The following POTEE variants were observed in gnomAD, a reference collection of about 807,000 sequenced individuals.
POTEE encodes ANKRD26-like family C member 1A.
POTEE carries 21 observed loss-of-function variants against 74.2 expected under a neutral mutation model. That is an observed-to-expected ratio of 0.28 (90% CI 0.20 to 0.41). POTEE has a LOEUF of 0.41. POTEE is among the 10% of genes least tolerant of loss of function. The probability of loss-of-function intolerance (pLI) is 1.00; values close to 1 mark genes in which losing one functional copy is unlikely to be tolerated. For missense variants in POTEE, 525 were observed against 1,158.6 expected, an observed-to-expected ratio of 0.45 and a Z score of 7.94; for synonymous variants, 211 against 432.8, an observed-to-expected ratio of 0.49 and a Z score of 6.36.
At chr2:131,254,978 A>G in intron 16 of POTEE, among the ~76,000 whole-genome samples, 1 of 152,266 alleles carries the variant, frequency 6.6e-6, no homozygotes, top group Admixed American at 6.5e-5. Context: ...TATGTAATCT[A>G]GAAATGTTCA....
chr2:131,223,669 C>T lies in POTEE; in HGVS notation c.595C>T (p.Leu199Phe), dbSNP rs1573704193. The T allele has an allele frequency of 6.2e-7, 1 of 1,611,302 alleles. No homozygotes were observed. The highest frequency in any genetic ancestry group is 1.1e-5 in the South Asian group (1 of 90,972). The change falls in exon 5 of 18, where the codon CTT becomes TTT. Residue 199 changes from leucine to phenylalanine, a missense_variant. Leu to Phe is a conservative substitution (Grantham distance 22, BLOSUM62 0). Coordinates refer to ENST00000683005, the MANE Select transcript of POTEE (RefSeq NM_001083538.3). ...VKLLLDRRCQ[L>F]NVLDNKKRTA... is the part of the protein sequence containing the mutation. ...ACTCCTGCTGGACAGACGATGTCAA[C>T]TTAATGTCCTTGACAACAAAAAGAG...
At chr2:131,222,226 A>G (rs1023565006) in intron 4 of POTEE, among the ~76,000 whole-genome samples, 5 of 152,194 alleles carry the variant, frequency 3.3e-5, no homozygotes, top group African/African-American at 4.8e-5. Context: ...CTATGCAGCC[A>G]TAAAAGAAGG....
At chr2:131,259,355 ATTTCT>A (rs1329575911) in intron 16 of POTEE, among the ~76,000 whole-genome samples, 1 of 148,914 alleles carries the variant, frequency 6.7e-6, no homozygotes, top group Non-Finnish European at 1.5e-5. Context: ...TGAGAGTATG[ATTTCT>A]TTTATTTTGT....
chr2:131,232,654 T>G (rs1701000563), intron 9 of POTEE, among the ~76,000 whole-genome samples: 1 of 149,884 alleles, frequency 6.7e-6, no homozygotes, highest in South Asian at 2.1e-4. Context: ...GTAGAATGCT[T>G]TGGACTGCAA....
chr2:131,218,250 C>T (rs1208249475), intron 3 of POTEE, 60 bp from the exon 4 acceptor site: 2 of 1,411,670 alleles, frequency 1.4e-6, no homozygotes, highest in Admixed American at 2.2e-5. Context: ...GTGGGCTGGG[C>T]TGGAATCCCC....
At chr2:131,262,078 A>T (rs1701719829) in intron 17 of POTEE, among the ~76,000 whole-genome samples, 1 of 122,188 alleles carries the variant, frequency 8.2e-6, no homozygotes, top group African/African-American at 2.5e-5. Flanking sequence ...CCAAAGGAGA[A>T]GTATTTGATG....
intron 4 of POTEE, among the ~76,000 whole-genome samples, chr2:131,220,920 C>G (rs1700596444): frequency 7.2e-6 from 1 of 139,802 alleles, no homozygotes; most frequent in African/African-American, 2.6e-5. Context: ...GAGATCGCGC[C>G]ACTACATTCC....
At chr2:131,248,912 C>G (rs1172785501) in intron 13 of POTEE, among the ~76,000 whole-genome samples, 1 of 152,270 alleles carries the variant, frequency 6.6e-6, no homozygotes, top group African/African-American at 2.4e-5. Context: ...GCAAAATGTG[C>G]TTTGTGTTTT....
At position 131,218,491 on chromosome 2, in the gene POTEE, G is replaced by C; in HGVS notation, c.89G>C (p.Arg30Pro). 1.9e-6 allele frequency: 3 copies of C among 1,612,470 alleles called. No homozygotes were observed. The South Asian group carries it at 3.3e-5, about 18-fold the overall frequency. ...LRSKMGKWCC[R>P]CFPCYRESGK... ...AGCAAGATGGGCAAGTGGTGCTGCCGTTGCTTCCCCTGCTACAGGGAGAGC... is the reference window on the plus strand; with the variant it reads ...AGCAAGATGGGCAAGTGGTGCTGCCCTTGCTTCCCCTGCTACAGGGAGAGC... The change falls in exon 4 of 18, where the codon CGT becomes CCT. Residue 30 changes from arginine (R) to proline (P), a missense_variant. Coordinates refer to ENST00000683005, the MANE Select transcript of POTEE (RefSeq NM_001083538.3).
chr2:131,210,400 G>GGCTA (rs1236576920), intron 1 of POTEE, among the ~76,000 whole-genome samples: 1 of 149,892 alleles, frequency 6.7e-6, no homozygotes, highest in East Asian at 2.0e-4. Context: ...GCTGTCCGGG[G>GGCTA]GCTACACTGC....
rs551099257 is a variant in POTEE, at chr2:131,209,969, T to G, written c.-345+150T>G. Among the ~76,000 whole-genome samples, 692 of 124,046 alleles carry G rather than the reference T, an allele frequency of 5.6e-3. 2 individuals are homozygous for G. Among genetic ancestry groups the G allele is most frequent in the African/African-American group, 0.019 (633 of 32,584 alleles). 81.4% of individuals were successfully genotyped at this position (124,046 alleles called of 152,430 possible). A position where few individuals can be genotyped will look rare whatever the true frequency, so the allele number is the denominator to read the frequency against. Reference sequence around the variant, plus strand: ...ATTGCTGGCGGTGGAGGGGGGCGGTTTTGGCTGGCTGTCCGGGGCTACACT... The same window carrying G: ...ATTGCTGGCGGTGGAGGGGGGCGGTGTTGGCTGGCTGTCCGGGGCTACACT... On this transcript the variant is annotated intron_variant, in intron 1 of 17. Transcript: ENST00000683005.
At position 131,211,159 on chromosome 2, in the gene POTEE, C is replaced by G. The variant is rs534198076; in HGVS notation, c.-213C>G. Among the ~76,000 whole-genome samples the G allele has an allele frequency of 6.6e-6, 1 of 151,822 alleles. No homozygotes were observed. Among genetic ancestry groups the G allele is most frequent in the East Asian group, 1.9e-4 (1 of 5,134 alleles). ...CGCCTCGTGTGACTGATGGCAGCCA[C>G]GGAGACTGCAGCTCGACAGGAGTGG... On this transcript the variant is annotated 5_prime_UTR_variant, in exon 2 of 18. Transcript: ENST00000683005.
In POTEE at chr2:131,228,338, G is replaced by A. The variant is rs370625903; in HGVS notation, c.1012G>A (p.Gly338Arg). 1.4e-4 allele frequency: 229 copies of A among 1,610,882 alleles called. No homozygotes were observed. In the East Asian group the frequency reaches 3.5e-3, roughly 25 times the overall value. The change falls in exon 8 of 18, where the codon GGA becomes AGA. Residue 338 changes from glycine to arginine, a missense_variant. Physicochemically the swap from Gly to Arg is moderately radical, Grantham distance 125 (BLOSUM62 -2). Transcript: ENST00000683005. ...TGATGTATCTTCTCAAGATCTATCT[G>A]GACAGACGGCCAGAGAGTATGCTGT... Reference protein sequence around the residue: ...NIDVSSQDLSGQTAREYAVSS... With the variant: ...NIDVSSQDLSRQTAREYAVSS...
intron 16 of POTEE, among the ~76,000 whole-genome samples, chr2:131,258,527 C>T (rs1480332241): frequency 1.3e-5 from 2 of 150,756 alleles, no homozygotes; most frequent in Non-Finnish European, 3.0e-5. Flanking sequence ...AATTCCTTTT[C>T]TTGTTCACTT....
chr2:131,216,571 C>T (rs1245496397), intron 2 of POTEE, among the ~76,000 whole-genome samples: 9 of 151,726 alleles, frequency 5.9e-5, no homozygotes, highest in Non-Finnish European at 1.2e-4. Flanking sequence ...TAAATTCACT[C>T]CTATGTATAC....
At chr2:131,232,105 C>G (rs1289797638) in intron 9 of POTEE, among the ~76,000 whole-genome samples, 2 of 147,852 alleles carry the variant, frequency 1.4e-5, no homozygotes, top group African/African-American at 2.5e-5. Flanking sequence ...AACCATTTTT[C>G]TAATGCTATA....
chr2:131,264,940 A>G lies in POTEE; in HGVS notation c.*257A>G. ...CTTCTTTTCAATAGTCATTCCAAAT[A>G]TTGTGAGACGCATTGTTTCAGGAAG... On this transcript the variant is annotated 3_prime_UTR_variant, in exon 18 of 18. Transcript: ENST00000683005. The G allele has an allele frequency of 1.6e-6, 1 of 610,100 alleles. No homozygotes were observed. Among genetic ancestry groups the G allele is most frequent in the South Asian group, 2.0e-5 (1 of 49,214 alleles). 37.8% of individuals were successfully genotyped at this position (610,100 alleles called of 1,614,324 possible).
At chr2:131,222,434 G>T (rs1231681314) in intron 4 of POTEE, among the ~76,000 whole-genome samples, 1 of 151,694 alleles carries the variant, frequency 6.6e-6, no homozygotes, top group Non-Finnish European at 1.5e-5. Flanking sequence ...AGGAGGGAAG[G>T]AAGCAGGAAA....
At chr2:131,226,132 G>A (rs567214345) in intron 6 of POTEE, among the ~76,000 whole-genome samples, 42 of 151,992 alleles carry the variant, frequency 2.8e-4, no homozygotes, top group Non-Finnish European at 5.1e-4. Context: ...GGACTATCCA[G>A]TGTGTCTCTT....
Sources: allele counts gnomAD v4.1 joint callset (sites outside exome capture counted in the v4.1 genomes callset), GRCh38; gene constraint gnomAD v4.1.1; transcripts MANE v1.5; gene names NCBI Gene and HGNC (gene_info 2026-07-23, HGNC 2026-07-21).